Variants in CLDN2 observed in about 807,000 individuals in gnomAD.
CLDN2 encodes the protein claudin-2.
In CLDN2, 1 loss-of-function variant was observed where a neutral mutation model predicts 8.2. The observed-to-expected ratio is 0.12, with a 90% CI of 0.04 to 0.58. CLDN2 has a LOEUF of 0.58. CLDN2 is among the 20% of genes least tolerant of loss of function. CLDN2 has a pLI of 0.90. For synonymous variants in CLDN2, 70 were observed against 70.2 expected (o/e 1.00, Z 0.01); for missense variants, 108 against 172.9 (o/e 0.62, Z 2.11).
chrX:106,916,132 A>G (rs1933307260), upstream of CLDN2, among the ~76,000 whole-genome samples: 1 of 111,080 alleles, frequency 9.0e-6, no homozygotes, highest in South Asian at 3.8e-4. Context: ...AGTAGCAACA[A>G]CAAATACAAC....
rs1324849662 is a variant in CLDN2 at position 106,907,095 on chromosome X, A to G, written c.-179+6591A>G. Among the ~76,000 whole-genome samples the G allele has an allele frequency of 3.6e-5, 4 of 112,071 alleles. No homozygotes were observed. The Admixed American group carries it at 3.8e-4, about 11-fold the overall frequency. On this transcript the variant is annotated intron_variant, in intron 1 of 1. Coordinates refer to the CLDN2 transcript ENST00000541806. The stretch of plus-strand genomic sequence containing the variant: ...GAAAGGGCTCTGCCAAAGGTCACCA[A>G]TGACCTCCTAATTGCCAAATTTGAT...
chrX:106,922,693 C>T (rs1440563390), intron 1 of CLDN2, among the ~76,000 whole-genome samples: 1 of 112,250 alleles, frequency 8.9e-6, no homozygotes, highest in African/African-American at 3.2e-5. Context: ...GGCAAGGATG[C>T]ATCCTCAAAG....
At chrX:106,902,180 G>T (rs1284517789) in intron 1 of CLDN2, 1 of 1,192,118 alleles carries the variant, frequency 8.4e-7, no homozygotes, top group South Asian at 1.9e-5. Context: ...GGAGTCATTT[G>T]TGGAAGACAG....
upstream of CLDN2, among the ~76,000 whole-genome samples, chrX:106,918,168 C>T (rs1056433046): frequency 2.5e-4 from 28 of 112,517 alleles, no homozygotes; most frequent in African/African-American, 8.4e-4. Context: ...ATTCAATCAG[C>T]ATTTTCTACT....
intron 1 of CLDN2, among the ~76,000 whole-genome samples, chrX:106,926,427 C>A (rs1220877205): frequency 9.0e-6 from 1 of 110,728 alleles, no homozygotes; most frequent in African/African-American, 3.3e-5. Flanking sequence ...GTTATGGGGG[C>A]AAGATGAGTT....
At chrX:106,921,281 T>G (rs1479151168) in intron 1 of CLDN2, among the ~76,000 whole-genome samples, 1 of 112,494 alleles carries the variant, frequency 8.9e-6, no homozygotes, top group Non-Finnish European at 1.9e-5. Flanking sequence ...CTCAATCCAG[T>G]TGCAATTCTC....
At chrX:106,900,603 A>T in intron 1 of CLDN2, 1 of 998,072 alleles carries the variant, frequency 1.0e-6, no homozygotes, top group South Asian at 2.9e-5. Context: ...GTCTGTGAAA[A>T]CTTGCCAGAC....
chrX:106,924,141 G>A (rs1361517957), intron 1 of CLDN2, among the ~76,000 whole-genome samples: 4 of 111,266 alleles, frequency 3.6e-5, no homozygotes, highest in Non-Finnish European at 5.6e-5. Context: ...TTTCAGTGGA[G>A]GGCTAATGGT....
At chrX:106,914,260 CT>C (rs1292029876), upstream of CLDN2, among the ~76,000 whole-genome samples, 3 of 111,291 alleles carry the variant, frequency 2.7e-5, no homozygotes, top group Non-Finnish European at 5.7e-5. Flanking sequence ...CACAAACCCT[CT>C]TTTAAAGGAT....
chrX:106,914,752 G>A (rs1933291777), upstream of CLDN2, among the ~76,000 whole-genome samples: 1 of 111,704 alleles, frequency 9.0e-6, no homozygotes, highest in Admixed American at 9.5e-5. Flanking sequence ...TATGTTCAAT[G>A]TCAATAGATA....
chrX:106,901,368 A>T, intron 1 of CLDN2: 3 of 796,073 alleles, frequency 3.8e-6, no homozygotes, highest in Non-Finnish European at 5.6e-6. Context: ...TGAAACAGCG[A>T]TCATAGATAG....
chrX:106,918,714 A>T (rs1303255774), upstream of CLDN2, among the ~76,000 whole-genome samples: 1 of 111,724 alleles, frequency 9.0e-6, no homozygotes, highest in Non-Finnish European at 1.9e-5. Context: ...TGTTCAATGA[A>T]CCGTGGCCTT....
At chrX:106,918,069 C>G, upstream of CLDN2, among the ~76,000 whole-genome samples, 2 of 112,203 alleles carry the variant, frequency 1.8e-5, no homozygotes, top group Non-Finnish European at 3.8e-5. Flanking sequence ...CTCATCCGCC[C>G]TGGCACCTGC....
At chrX:106,917,460 C>T (rs755996504), upstream of CLDN2, among the ~76,000 whole-genome samples, 18 of 111,688 alleles carry the variant, frequency 1.6e-4, no homozygotes, top group East Asian at 8.5e-4. Context: ...TGGTGACATG[C>T]GGTCATTGGT....
At chrX:106,900,942 G>A in intron 1 of CLDN2, 2 of 1,193,728 alleles carry the variant, frequency 1.7e-6, no homozygotes, top group Admixed American at 4.5e-5. Flanking sequence ...CCCCTAACAG[G>A]TGTCATATGT....
intron 1 of CLDN2, among the ~76,000 whole-genome samples, chrX:106,908,611 C>A (rs769031007): frequency 7.7e-4 from 74 of 96,331 alleles, no homozygotes; most frequent in Non-Finnish European, 1.3e-3. Flanking sequence ...TCTTTTTAGA[C>A]AGGGTCTCAC....
intron 1 of CLDN2, among the ~76,000 whole-genome samples, chrX:106,911,821 C>T (rs1207002909): frequency 8.9e-6 from 1 of 112,115 alleles, no homozygotes; most frequent in Non-Finnish European, 1.9e-5. Context: ...GGTAGTTGGT[C>T]TGAGAAGACT....
chrX:106,922,745 G>A (rs1345049588), intron 1 of CLDN2, among the ~76,000 whole-genome samples: 1 of 111,874 alleles, frequency 8.9e-6, no homozygotes, highest in African/African-American at 3.3e-5. Context: ...TGGTAGAATA[G>A]CATGCTTACG....
At chrX:106,908,319 A>T (rs747724101) in intron 1 of CLDN2, among the ~76,000 whole-genome samples, 1 of 111,566 alleles carries the variant, frequency 9.0e-6, no homozygotes. Flanking sequence ...AAAAACTTCC[A>T]GTGTCTATAG....
Sources: gnomAD v4.1 joint callset for allele counts (sites outside exome capture counted in the v4.1 genomes callset) on GRCh38, gnomAD v4.1.1 for gene constraint, MANE v1.5 for transcripts, NCBI Gene and HGNC (gene_info 2026-07-23, HGNC 2026-07-21) for gene names.